GBP2: variants seen among roughly 807,000 people sequenced by gnomAD.
The protein encoded by GBP2 is guanylate binding protein 2, also known as guanylate-binding protein 2.
A neutral mutation model predicts 60.8 loss-of-function variants in GBP2; 54 were observed. The ratio of observed to expected loss-of-function variants is 0.89; its 90% confidence interval spans 0.71 to 1.11. The LOEUF (loss-of-function observed/expected upper bound fraction) is 1.11, where lower values mean the gene tolerates loss of function less well. GBP2 is among the 50% of genes most tolerant of loss of function. GBP2 has a pLI of 0.00. For synonymous variants in GBP2, 243 were observed against 256.5 expected (o/e 0.95, Z 0.50); for missense variants, 665 against 703.3 (o/e 0.95, Z 0.62).
At chr1:89,108,532 A>G (rs1441636768) in intron 10 of GBP2, among the ~76,000 whole-genome samples, 1 of 152,172 alleles carries the variant, frequency 6.6e-6, no homozygotes, top group Non-Finnish European at 1.5e-5. Context: ...ATTTGCACTC[A>G]TGCAACACAG....
intron 6 of GBP2, among the ~76,000 whole-genome samples, chr1:89,115,855 C>A (rs1557440245): frequency 6.6e-6 from 1 of 151,974 alleles, no homozygotes; most frequent in Admixed American, 6.5e-5. Context: ...AATTCTCCCA[C>A]CTTGGCCTCC....
intron 6 of GBP2, among the ~76,000 whole-genome samples, chr1:89,114,524 G>A (rs1346785313): frequency 6.6e-6 from 1 of 152,082 alleles, no homozygotes; most frequent in Non-Finnish European, 1.5e-5. Flanking sequence ...GATATTTTGG[G>A]GCTGAGATAC....
intron 4 of GBP2, chr1:89,118,384 T>G (rs1681324150): frequency 6.6e-6 from 1 of 152,178 alleles, no homozygotes; most frequent in Non-Finnish European, 1.5e-5. Context: ...TTACTGAGTG[T>G]GTACAACATA....
Position 89,106,918 on chromosome 1 carries a change from A to G in GBP2, c.*1257T>C, listed in dbSNP as rs1681065105. On this transcript the variant is annotated 3_prime_UTR_variant, in exon 11 of 11. Coordinates refer to ENST00000370466, the MANE Select transcript of GBP2 (RefSeq NM_004120.5). ...ACACTGCAGAAGCTTCCAGCATTTC[A>G]TCCAGAGATCATGGTGCTGGTTCAT... 1 of 152,212 alleles carries G rather than the reference A, an allele frequency of 6.6e-6. No homozygotes were observed. 9.4% of individuals were successfully genotyped at this position (152,212 alleles called of 1,614,324 possible).
chr1:89,116,598 T>C (rs1681277878), intron 6 of GBP2, among the ~76,000 whole-genome samples: 1 of 152,156 alleles, frequency 6.6e-6, no homozygotes, highest in African/African-American at 2.4e-5. Flanking sequence ...ATTCCCTAAA[T>C]ATTTTAGAAT....
In GBP2 at chr1:89,108,286, C is replaced by T. The variant is rs1345436689; in HGVS notation, c.1665G>A (p.Gln555=). Residue 555 remains glutamine (Q), a synonymous_variant, in exon 11 of 11, where the codon CAG becomes CAA. Transcript: ENST00000370466. ...EKTLALKLQE[Q]ERLLKEGFEN... ...CGAATCCCTCCTTGAGAAGGCGTTC[C>T]TGTTCCTAAAAGGGAAAGTGGAGAC... is the stretch of plus-strand genomic sequence containing the variant. 1 of 1,606,576 alleles carries T rather than the reference C, an allele frequency of 6.2e-7. No individual in the cohort carries two copies. The highest frequency in any genetic ancestry group is 1.7e-5 in the Admixed American group (1 of 59,914).
At chr1:89,117,291 T>A in intron 5 of GBP2, 57 bp from the exon 6 acceptor site, 7 of 1,422,318 alleles carry the variant, frequency 4.9e-6, no homozygotes, top group Non-Finnish European at 6.8e-6. Context: ...TCAAATATGA[T>A]CTTTCAATTT....
rs377310996 is a variant in GBP2 at position 89,125,579 on chromosome 1, G to A, written c.-18+284C>T. 3.7e-4 allele frequency among the ~76,000 whole-genome samples: 56 copies of A among 152,236 alleles called. 6 individuals are homozygous for A. Among genetic ancestry groups the A allele is most frequent in the Admixed American group, 9.2e-4 (14 of 15,296 alleles). On this transcript the variant is annotated intron_variant, in intron 1 of 10. Transcript: ENST00000370466. Reference sequence around the variant, plus strand: ...ACAAGTGGCAATAATGAATGTGATGGAGCCCTAACTTTATTAAGCAGATAC... The same window carrying A: ...ACAAGTGGCAATAATGAATGTGATGAAGCCCTAACTTTATTAAGCAGATAC...
rs1157495159 is a variant in GBP2 at position 89,121,820 on chromosome 1, T to C, written c.147A>G (p.Thr49=). Residue 49 remains threonine, a synonymous_variant, in exon 2 of 11, where the codon ACA becomes ACG. Coordinates refer to ENST00000370466, the MANE Select transcript of GBP2 (RefSeq NM_004120.5). The part of the protein sequence containing the change: ...VVVAIVGLYR[T]GKSYLMNKLA... The stretch of plus-strand genomic sequence containing the variant: ...GCTTGTTCATCAGGTAGGATTTGCC[T>C]GTGCGATAGAGGCCCACAATCGCCA... The C allele has an allele frequency of 2.0e-5, 32 of 1,613,968 alleles. No individual in the cohort carries two copies. The highest frequency in any genetic ancestry group is 2.7e-5 in the African/African-American group (2 of 74,910).
In GBP2 at chr1:89,117,212, G is replaced by A. The variant is rs975475138; in HGVS notation, c.648C>T (p.Ser216=). The A allele has an allele frequency of 6.2e-7, 1 of 1,613,804 alleles. No individual in the cohort carries two copies. Among genetic ancestry groups the A allele is most frequent in the Non-Finnish European group, 8.5e-7 (1 of 1,179,718 alleles). ...LRKGTDKKSK[S]FNDPRLCIRK... ...GGATGCACAACCGAGGATCATTAAAGCTTTTACTTTTCTTATCAGTACCTA... is the reference window on the plus strand; with the variant it reads ...GGATGCACAACCGAGGATCATTAAAACTTTTACTTTTCTTATCAGTACCTA... The change falls in exon 6 of 11, where the codon AGC becomes AGT. Residue 216 remains serine, a synonymous_variant. Transcript: ENST00000370466.
Position 89,109,701 on chromosome 1 carries a change from C to T in GBP2, c.1635G>A (p.Glu545=). 6.2e-7 allele frequency: 1 copy of T among 1,613,980 alleles called. No individual in the cohort carries two copies. Among genetic ancestry groups the T allele is most frequent in the Non-Finnish European group, 8.5e-7 (1 of 1,180,000 alleles). Residue 545 remains glutamate, a synonymous_variant, in exon 10 of 11, where the codon GAG becomes GAA. Transcript: ENST00000370466. ...CCTGAAGTTTAAGAGCGAGGGTCTT[C>T]TCTTGCTCTGCCATTAACTGGGCCC... ...RDRAQLMAEQ[E]KTLALKLQEQ...
At chr1:89,119,199 T>C (rs1213355165) in intron 4 of GBP2, 1 of 152,180 alleles carries the variant, frequency 6.6e-6, no homozygotes, top group African/African-American at 2.4e-5. Flanking sequence ...TGTGGTATTC[T>C]AATAGGAACC....
intron 9 of GBP2, 120 bp downstream of exon 9, chr1:89,110,044 T>C (rs535061352): frequency 9.5e-6 from 9 of 951,262 alleles, no homozygotes; most frequent in South Asian, 4.9e-5. Flanking sequence ...AAAACTCTCA[T>C]AGAACTATGA....
At chr1:89,117,837 G>T in intron 4 of GBP2, 64 bp from the exon 5 acceptor site, 1 of 1,278,306 alleles carries the variant, frequency 7.8e-7, no homozygotes, top group Non-Finnish European at 1.1e-6. Context: ...TTATCCTAAT[G>T]CTTACCTAAA....
At chr1:89,123,367 C>T (rs1681451395) in intron 1 of GBP2, among the ~76,000 whole-genome samples, 1 of 152,130 alleles carries the variant, frequency 6.6e-6, no homozygotes, top group Non-Finnish European at 1.5e-5. Flanking sequence ...TATTTCTCGT[C>T]TATCTGTTTC....
rs565679628 is a variant in GBP2 at position 89,108,191 on chromosome 1, A to G, written c.1760T>C (p.Ile587Thr). The G allele has an allele frequency of 2.1e-4, 333 of 1,609,006 alleles. 2 individuals carry two copies. In the South Asian group the frequency reaches 3.5e-3, roughly 17 times the overall value. The part of the protein sequence containing the change: ...IQMRSKSLEP[I>T]CNIL ...CTTGGACTTTTAGAGTATGTTACAT[A>G]TTGGCTCCAATGATTTGCTTCTCAT... Residue 587 changes from isoleucine to threonine, a missense_variant, in exon 11 of 11, where the codon ATA becomes ACA. By Grantham distance (89) the Ile-to-Thr change is moderately conservative. Transcript: ENST00000370466.
At chr1:89,115,258 G>A (rs145293622) in intron 6 of GBP2, among the ~76,000 whole-genome samples, 4 of 152,066 alleles carry the variant, frequency 2.6e-5, no homozygotes, top group African/African-American at 4.8e-5. Context: ...AAGTATGTTC[G>A]GATCTTGTCC....
At chr1:89,112,716 A>G in intron 7 of GBP2, 32 bp from the exon 8 acceptor site, 1 of 1,542,296 alleles carries the variant, frequency 6.5e-7, no homozygotes, top group South Asian at 1.1e-5. Flanking sequence ...CAGATGTTTC[A>G]GTAAAGCCAT....
Position 89,121,178 on chromosome 1 carries a change from G to T in GBP2, c.283C>A (p.Leu95Met). The T allele has an allele frequency of 2.5e-6, 4 of 1,613,282 alleles. No individual in the cohort carries two copies. The highest frequency in any genetic ancestry group is 3.4e-6 in the Non-Finnish European group (4 of 1,179,578). Residue 95 changes from leucine to methionine, a missense_variant, in exon 3 of 11, where the codon CTG (leucine) becomes ATG (methionine). Transcript: ENST00000370466. Reference protein sequence around the residue: ...HPKKPEHTLVLLDTEGLGDIE... With the variant: ...HPKKPEHTLVMLDTEGLGDIE... Reference sequence around the variant, plus strand: ...TCTCCCAGGCCCTCAGTGTCGAGCAGAACTAGGGTGTGTTCTGGCTTCTTG... The same window carrying T: ...TCTCCCAGGCCCTCAGTGTCGAGCATAACTAGGGTGTGTTCTGGCTTCTTG...
Sources: allele counts gnomAD v4.1 joint callset (sites outside exome capture counted in the v4.1 genomes callset), GRCh38; gene constraint gnomAD v4.1.1; transcripts MANE v1.5; gene names NCBI Gene and HGNC (gene_info 2026-07-23, HGNC 2026-07-21).